DVL3: variants seen among roughly 807,000 people sequenced by gnomAD.
DVL3 encodes dishevelled segment polarity protein 3, also known as segment polarity protein dishevelled homolog DVL-3.
Under a neutral mutation model 67.4 loss-of-function variants are expected in DVL3, and 27 were observed. That is an observed-to-expected ratio of 0.40 (90% confidence interval 0.30 to 0.55). The LOEUF (loss-of-function observed/expected upper bound fraction) is 0.55, where lower values mean the gene tolerates loss of function less well. Among genes scored for constraint, DVL3 ranks in the 20% least tolerant of loss-of-function variants. The pLI is 0.46. For missense variants in DVL3, 819 were observed against 1,021.5 expected, an observed-to-expected ratio of 0.80 and a Z score of 2.70; for synonymous variants, 369 against 396.8, an observed-to-expected ratio of 0.93 and a Z score of 0.83.
rs749950896 is a variant in DVL3, at chr3:184,164,377, C to G, written c.342C>G (p.Pro114=). The G allele has an allele frequency of 6.2e-7, 1 of 1,613,866 alleles. No individual in the cohort carries two copies. The highest frequency in any genetic ancestry group is 1.1e-5 in the South Asian group (1 of 91,062). Residue 114 remains proline, a synonymous_variant, in exon 3 of 15, where the codon CCC becomes CCG. Transcript: ENST00000313143. The surrounding 1 kb of genome is among the most constrained non-coding windows in gnomAD (Gnocchi z 5.3). ...ERTGGIGDSR[P]PSFHPHAGGG... is the part of the protein sequence containing the mutation. The stretch of plus-strand genomic sequence containing the variant: ...CGGGAGGCATCGGGGACTCCCGACC[C>G]CCATCCTTCCAGTGAGTGTGACCTG...
rs1381709221 is a variant in DVL3, at chr3:184,163,707, A to G, written c.212A>G (p.Asn71Ser). 4 of 1,613,872 alleles carry G rather than the reference A, an allele frequency of 2.5e-6. No individual in the cohort carries two copies. The highest frequency in any genetic ancestry group is 2.2e-5 in the East Asian group (1 of 44,882). Residue 71 changes from asparagine to serine, a missense_variant, in exon 2 of 15, where the codon AAT becomes AGT. By Grantham distance (46) the Asn-to-Ser change is conservative (BLOSUM62 1). Around this residue, in one of 3 missense-constraint regions of DVL3, gnomAD observed 385 missense variants for 486.8 expected, o/e 0.79. Coordinates refer to ENST00000313143, the MANE Select transcript of DVL3 (RefSeq NM_004423.4). This position sits in a 1 kb window ranked among gnomAD's most constrained non-coding sequence, Gnocchi z 4.5. ...GACAATGCCAAGCTACCATGCTTCA[A>G]TGGCCGGGTGGTGTCCTGGGTAAGG... ...SDDNAKLPCF[N>S]GRVVSWLVSA...
rs151229784 is a variant in DVL3 at position 184,164,925 on chromosome 3, C to T, written c.593C>T (p.Thr198Ile). Residue 198 changes from threonine to isoleucine, a missense_variant, in exon 5 of 15, where the codon ACC becomes ATC. Physicochemically the swap from Thr to Ile is moderately conservative, Grantham distance 89 (BLOSUM62 -1). This residue lies in a region of DVL3 where 385 missense variants were observed against 486.8 expected (regional missense o/e 0.79). Coordinates refer to ENST00000313143, the MANE Select transcript of DVL3 (RefSeq NM_004423.4). The surrounding 1 kb of genome is among the most constrained non-coding windows in gnomAD (Gnocchi z 5.3). ...SFFDSDEDDS[T>I]SRFSSSTEQS... ...TTTGACTCAGATGAGGATGACTCCA[C>T]CAGCAGGTGGGGCTTGAGTTTCATG... 122 of 1,614,184 alleles carry T rather than the reference C, an allele frequency of 7.6e-5. No homozygotes were observed. In the African/African-American group the frequency reaches 1.3e-3, roughly 18 times the overall value.
intron 1 of DVL3, among the ~76,000 whole-genome samples, chr3:184,162,482 A>G (rs1560116976): frequency 1.3e-5 from 2 of 151,210 alleles, no homozygotes; most frequent in Admixed American, 6.6e-5. Context: ...AAGAGCAATT[A>G]TTACTGTTAA....
In DVL3 at chr3:184,159,274, T is replaced by C. The variant is rs1714299514; in HGVS notation, c.161+3478T>C. On this transcript the variant is annotated intron_variant, in intron 1 of 14. Coordinates refer to ENST00000313143, the MANE Select transcript of DVL3 (RefSeq NM_004423.4). ...CCCTCTGGGCCTTCCACCTGCAGAC[T>C]CTTCTTCCCCTGTCTCCTCCAGGTT... Among the ~76,000 whole-genome samples, 2 of 104,832 alleles carry C rather than the reference T, an allele frequency of 1.9e-5. 1 individual carries two copies. The highest frequency in any genetic ancestry group is 4.2e-5 in the Non-Finnish European group (2 of 47,678). 68.8% of individuals were successfully genotyped at this position (104,832 alleles called of 152,430 possible). A position where few individuals can be genotyped will look rare whatever the true frequency, so the allele number is the denominator to read the frequency against.
intron 1 of DVL3, among the ~76,000 whole-genome samples, chr3:184,162,179 ATTT>A (rs34375222): frequency 6.9e-6 from 1 of 144,032 alleles, no homozygotes; most frequent in Non-Finnish European, 1.5e-5. Flanking sequence ...AATGACAGCA[ATTT>A]TTTTTTTTTT....
rs1714542797 is a variant in DVL3 at position 184,165,330 on chromosome 3, G to A, written c.694-92G>A. On this transcript the variant is annotated intron_variant, in intron 6 of 14. Transcript: ENST00000313143. This position sits in a 1 kb window ranked among gnomAD's most constrained non-coding sequence, Gnocchi z 4.1. ...GCAGTGTTGAGAACCTTGGGGCTGG[G>A]GGCTGCACCGGGGACTCACCTTGAG... is the stretch of plus-strand genomic sequence containing the variant. 1.9e-6 allele frequency: 3 copies of A among 1,543,564 alleles called. No individual in the cohort carries two copies. Among genetic ancestry groups the A allele is most frequent in the Admixed American group, 1.8e-5 (1 of 56,990 alleles).
At chr3:184,161,516 G>A (rs886987600) in intron 1 of DVL3, among the ~76,000 whole-genome samples, 13 of 151,888 alleles carry the variant, frequency 8.6e-5, no homozygotes, top group South Asian at 2.1e-4. Context: ...CCTGGCATGC[G>A]TCATCTTACC....
In DVL3 at chr3:184,162,560, C is replaced by CTTT. The variant is rs35869796; in HGVS notation, c.162-1082_162-1080dup. ...CCCCTTCTCTTTTTCTTTTTCTTTT[C>CTTT]TTTTTTTTTTTTTTTTTGACACGGA... On this transcript the variant is annotated intron_variant, in intron 1 of 14. Coordinates refer to ENST00000313143, the MANE Select transcript of DVL3 (RefSeq NM_004423.4). Among the ~76,000 whole-genome samples the CTTT allele has an allele frequency of 3.9e-3, 485 of 123,490 alleles. 17 individuals carry two copies. The highest frequency in any genetic ancestry group is 0.034 in the East Asian group (145 of 4,248). The allele number at this position is 123,490 out of a possible 152,430, so 81.0% of individuals were successfully genotyped here.
chr3:184,164,779 G>T lies in DVL3; in HGVS notation c.464-17G>T, dbSNP rs577143585. ...CACTGGGCACTGTGTAAACCCAACT[G>T]CTTCCATCCCCTGCAGCAACCCGGC... On this transcript the variant is annotated splice_polypyrimidine_tract_variant and intron_variant, in intron 4 of 14. Coordinates refer to ENST00000313143, the MANE Select transcript of DVL3 (RefSeq NM_004423.4). The surrounding 1 kb of genome is among the most constrained non-coding windows in gnomAD (Gnocchi z 5.3). 1.9e-5 allele frequency: 31 copies of T among 1,614,094 alleles called. No homozygotes were observed. In the South Asian group the frequency reaches 2.6e-4, roughly 14 times the overall value.
chr3:184,165,755 T>G lies in DVL3; in HGVS notation c.763+264T>G, dbSNP rs1439609163. ...CTGAGTGCCCACTCCTTCACATCTCTCAGCCATTGCATCCTTGCTCTCCGA... is the reference window on the plus strand; with the variant it reads ...CTGAGTGCCCACTCCTTCACATCTCGCAGCCATTGCATCCTTGCTCTCCGA... On this transcript the variant is annotated intron_variant, in intron 7 of 14. Coordinates refer to ENST00000313143, the MANE Select transcript of DVL3 (RefSeq NM_004423.4). This position sits in a 1 kb window ranked among gnomAD's most constrained non-coding sequence, Gnocchi z 4.1. Among the ~76,000 whole-genome samples the G allele has an allele frequency of 6.6e-6, 1 of 152,218 alleles. No individual in the cohort carries two copies. Among genetic ancestry groups the G allele is most frequent in the Non-Finnish European group, 1.5e-5 (1 of 68,046 alleles).
Position 184,167,069 on chromosome 3 carries a change from A to AG in DVL3, c.1198+95dup. On this transcript the variant is annotated intron_variant, in intron 11 of 14. Transcript: ENST00000313143. This position sits in a 1 kb window ranked among gnomAD's most constrained non-coding sequence, Gnocchi z 4.6. The stretch of plus-strand genomic sequence containing the variant: ...GTGGAGACTCTTGCTTGAGCATCAG[A>AG]GAGGGCTGGAGATGGGGCTCGGCTC... The AG allele has an allele frequency of 6.8e-7, 1 of 1,469,584 alleles. No individual in the cohort carries two copies. Among genetic ancestry groups the AG allele is most frequent in the Non-Finnish European group, 9.3e-7 (1 of 1,080,608 alleles). 91.0% of individuals were successfully genotyped at this position (1,469,584 alleles called of 1,614,324 possible).
chr3:184,164,132 C>A lies in DVL3; in HGVS notation c.232-135C>A. 8.9e-7 allele frequency: 1 copy of A among 1,119,002 alleles called. No individual in the cohort carries two copies. The highest frequency in any genetic ancestry group is 1.3e-6 in the Non-Finnish European group (1 of 770,286). 69.3% of individuals were successfully genotyped at this position (1,119,002 alleles called of 1,614,324 possible). ...GGCCACTGTTCATCTCAGCCACCCT[C>A]GCACAGCCCTGTCTTTTCTCCCTCG... On this transcript the variant is annotated intron_variant, in intron 2 of 14. Coordinates refer to ENST00000313143, the MANE Select transcript of DVL3 (RefSeq NM_004423.4). This position sits in a 1 kb window ranked among gnomAD's most constrained non-coding sequence, Gnocchi z 5.3.
Position 184,167,789 on chromosome 3 carries a change from C to G in DVL3, c.1330+78C>G. On this transcript the variant is annotated intron_variant, in intron 12 of 14. Transcript: ENST00000313143. This position sits in a 1 kb window ranked among gnomAD's most constrained non-coding sequence, Gnocchi z 4.6. ...GCAGGCCGGAGGGCCCAGGACTTGC[C>G]TTGGACCCTTCCTTTGATCTGGAGC... The G allele has an allele frequency of 1.3e-6, 2 of 1,593,738 alleles. No homozygotes were observed. Among genetic ancestry groups the G allele is most frequent in the Non-Finnish European group, 1.7e-6 (2 of 1,169,630 alleles).
At chr3:184,156,950 C>T (rs1054619647) in intron 1 of DVL3, 6 of 162,612 alleles carry the variant, frequency 3.7e-5, no homozygotes, top group Admixed American at 3.5e-4. Flanking sequence ...TCTGGCTTCT[C>T]TCCCAAGCCC....
Position 184,171,291 on chromosome 3 carries a change from T to C in DVL3, c.*536T>C. 1.9e-6 allele frequency: 2 copies of C among 1,044,204 alleles called. No homozygotes were observed. The highest frequency in any genetic ancestry group is 1.2e-6 in the Non-Finnish European group (1 of 866,984). 64.7% of individuals were successfully genotyped at this position (1,044,204 alleles called of 1,614,324 possible). ...ACTAACCATCCCCCTGCCTGCTGCC[T>C]CAGTCCTGCAACCTAAAGCTGTAGT... On this transcript the variant is annotated 3_prime_UTR_variant, in exon 15 of 15. Transcript: ENST00000313143.
intron 1 of DVL3, among the ~76,000 whole-genome samples, chr3:184,158,104 G>T (rs1577044198): frequency 1.3e-5 from 2 of 152,298 alleles, no homozygotes; most frequent in African/African-American, 4.8e-5. Flanking sequence ...GGAGGCTGAG[G>T]TGGGAGGATT....
In DVL3 at chr3:184,170,038, G is replaced by A. The variant is rs1471169143; in HGVS notation, c.1531G>A (p.Gly511Ser). Reference protein sequence around the residue: ...MANLSLHDHDGSSGASDQDTL... With the variant: ...MANLSLHDHDSSSGASDQDTL... ...CAACCTGTCTCTCCACGATCACGAT[G>A]GCTCCAGTGGCGCCTCTGACCAGGA... is the stretch of plus-strand genomic sequence containing the variant. The change falls in exon 14 of 15, where the codon GGC becomes AGC. Residue 511 changes from glycine to serine, a missense_variant. Transcript: ENST00000313143. This position sits in a 1 kb window ranked among gnomAD's most constrained non-coding sequence, Gnocchi z 6.5. The A allele has an allele frequency of 1.9e-6, 3 of 1,611,720 alleles. No homozygotes were observed. The highest frequency in any genetic ancestry group is 2.5e-6 in the Non-Finnish European group (3 of 1,178,460).
chr3:184,170,130 G>C lies in DVL3; in HGVS notation c.1623G>C (p.Pro541=), dbSNP rs755327980. ...PWPMAFPYQY[P]PPPHPYNPHP... ...CCATGGCTTTCCCGTACCAGTACCC[G>C]CCACCCCCGCACCCATACAACCCGC... Residue 541 remains proline, a synonymous_variant, in exon 14 of 15, where the codon CCG becomes CCC. Coordinates refer to ENST00000313143, the MANE Select transcript of DVL3 (RefSeq NM_004423.4). The surrounding 1 kb of genome is among the most constrained non-coding windows in gnomAD (Gnocchi z 6.5). 1.5e-5 allele frequency: 24 copies of C among 1,613,504 alleles called. No homozygotes were observed. In the African/African-American group the frequency reaches 2.7e-4, roughly 18 times the overall value.
Position 184,166,519 on chromosome 3 carries a change from C to G in DVL3, c.977C>G (p.Pro326Arg). The G allele has an allele frequency of 6.2e-7, 1 of 1,614,066 alleles. No individual in the cohort carries two copies. Among genetic ancestry groups the G allele is most frequent in the African/African-American group, 1.3e-5 (1 of 74,994 alleles). ...GTACTGCGGGAGATTGTGCACAAAC[C>G]GGGGTATGGATGGAATGGGGCACTG... Reference protein sequence around the residue: ...VRVLREIVHKPGPITLTVAKC... With the variant: ...VRVLREIVHKRGPITLTVAKC... The change falls in exon 9 of 15, where the codon CCG (proline) becomes CGG (arginine). Residue 326 changes from proline (P) to arginine (R), a missense_variant. Physicochemically the swap from Pro to Arg is moderately radical, Grantham distance 103. This residue lies in a region of DVL3 where 385 missense variants were observed against 486.8 expected (regional missense o/e 0.79). Transcript: ENST00000313143. This position sits in a 1 kb window ranked among gnomAD's most constrained non-coding sequence, Gnocchi z 6.7.
Sources: allele counts gnomAD v4.1 joint callset (sites outside exome capture counted in the v4.1 genomes callset), GRCh38; gene constraint gnomAD v4.1.1; regional missense constraint gnomAD v4.1.1; non-coding constraint Gnocchi (gnomAD v3.1); transcripts MANE v1.5; gene names NCBI Gene and HGNC (gene_info 2026-07-23, HGNC 2026-07-21).